ADAM15: variants seen among roughly 807,000 people sequenced by gnomAD.
The protein encoded by ADAM15 is ADAM metallopeptidase domain 15, also known as disintegrin and metalloproteinase domain-containing protein 15.
Under a neutral mutation model 113.8 loss-of-function variants are expected in ADAM15, and 77 were observed. The ratio of observed to expected loss-of-function variants is 0.68; its 90% CI spans 0.56 to 0.82. The LOEUF is 0.82. Among genes scored for constraint, ADAM15 ranks in the 40% least tolerant of loss-of-function variants. The pLI is 0.00. For missense variants in ADAM15, 963 were observed against 1,120.1 expected (o/e 0.86, Z 2.00); for synonymous variants, 388 against 454.1 (o/e 0.85, Z 1.85).
At chr1:155,060,373 C>T (rs1452933446) in intron 18 of ADAM15, 30 bp downstream of exon 18, 2 of 1,611,542 alleles carry the variant, frequency 1.2e-6, no homozygotes, top group Admixed American at 3.3e-5. Flanking sequence ...GCTACCACTT[C>T]CTTCAACTGG....
At position 155,054,785 on chromosome 1, in the gene ADAM15, G is replaced by A. The variant is rs564723011; in HGVS notation, c.612+279G>A. Among the ~76,000 whole-genome samples the A allele has an allele frequency of 1.5e-4, 23 of 152,228 alleles. No individual in the cohort carries two copies. The South Asian group carries it at 3.3e-3, about 22-fold the overall frequency. Reference sequence around the variant, plus strand: ...CTCAGGAGGCCGAAGTGGAAGAATCGCTTGAGCCCAGGAGGCAGAGGTTTC... The same window carrying A: ...CTCAGGAGGCCGAAGTGGAAGAATCACTTGAGCCCAGGAGGCAGAGGTTTC... On this transcript the variant is annotated intron_variant, in intron 6 of 22. Transcript: ENST00000356955.
rs374255636 is a variant in ADAM15 at position 155,057,133 on chromosome 1, G to C, written c.1148+32G>C. 6 of 1,580,254 alleles carry C rather than the reference G, an allele frequency of 3.8e-6. No homozygotes were observed. In the African/African-American group the frequency reaches 8.1e-5, roughly 21 times the overall value. Reference sequence around the variant, plus strand: ...AGCTGCAGGATGGAGAGAGGGTGTGGGGCAGGGGGCAGGGAGAGGCCCCCA... The same window carrying C: ...AGCTGCAGGATGGAGAGAGGGTGTGCGGCAGGGGGCAGGGAGAGGCCCCCA... On this transcript the variant is annotated intron_variant, in intron 11 of 22. Coordinates refer to ENST00000356955, the MANE Select transcript of ADAM15 (RefSeq NM_207197.3). This position sits in a 1 kb window ranked among gnomAD's most constrained non-coding sequence, Gnocchi z 5.0.
chr1:155,057,292 C>T lies in ADAM15; in HGVS notation c.1253C>T (p.Pro418Leu). Residue 418 changes from proline to leucine, a missense_variant, in exon 12 of 23, where the codon CCC (proline) becomes CTC (leucine). Coordinates refer to ENST00000356955, the MANE Select transcript of ADAM15 (RefSeq NM_207197.3). This position sits in a 1 kb window ranked among gnomAD's most constrained non-coding sequence, Gnocchi z 5.0. Reference protein sequence around the residue: ...SCLFERLPSLPPMAAFCGNMF... With the variant: ...SCLFERLPSLLPMAAFCGNMF... ...CTCTTCGAACGGCTGCCTAGCCTAC[C>T]CCCTATGGCTGCTTTCTGCGGAAAT... 5 of 1,614,190 alleles carry T rather than the reference C, an allele frequency of 3.1e-6. No homozygotes were observed. Among genetic ancestry groups the T allele is most frequent in the Non-Finnish European group, 4.2e-6 (5 of 1,180,038 alleles).
At position 155,055,969 on chromosome 1, in the gene ADAM15, GCA is replaced by G; in HGVS notation, c.717_718del (p.Leu240GlyfsTer29). On this transcript the variant is annotated frameshift_variant, in exon 8 of 23. Transcript: ENST00000356955. LOFTEE classifies it high-confidence loss of function. Reference sequence around the variant, plus strand: ...CGGGACTTCCAGCACCTGCTAAACCGCACACTGGAAGTGGCCCTCTTGCTGGA... The same window carrying G: ...CGGGACTTCCAGCACCTGCTAAACCGCACTGGAAGTGGCCCTCTTGCTGGA... 4.3e-6 allele frequency: 7 copies of G among 1,614,002 alleles called. No individual in the cohort carries two copies. The highest frequency in any genetic ancestry group is 5.9e-6 in the Non-Finnish European group (7 of 1,180,034).
chr1:155,059,856 A>C (rs1662327017), intron 16 of ADAM15, 46 bp from the exon 17 acceptor site: 2 of 1,576,964 alleles, frequency 1.3e-6, no homozygotes, highest in Middle Eastern at 1.7e-4. Flanking sequence ...ACAAGGAAAT[A>C]GTTCCAGAGT....
rs774273375 is a variant in ADAM15 at position 155,062,358 on chromosome 1, GGT to G, written c.2539_2540del (p.Val847ThrfsTer30). On this transcript the variant is annotated frameshift_variant, in exon 22 of 23. Coordinates refer to ENST00000356955, the MANE Select transcript of ADAM15 (RefSeq NM_207197.3). LOFTEE classifies it high-confidence loss of function. The surrounding 1 kb of genome is among the most constrained non-coding windows in gnomAD (Gnocchi z 7.0). ...CAGGGGCTGGAATCCCGCCCCTAGT[GGT>G]ACCCTCCAGGTAGGAGGAGCCCTGG... ...GPGAGIPPLV[V>X]PSRPAPPPPT... is the part of the protein sequence containing the mutation. The G allele has an allele frequency of 9.4e-6, 15 of 1,590,340 alleles. No individual in the cohort carries two copies. The East Asian group carries it at 3.4e-4, about 36-fold the overall frequency.
At position 155,057,195 on chromosome 1, in the gene ADAM15, C is replaced by A. The variant is rs998751992; in HGVS notation, c.1156C>A (p.Pro386Thr). ...CCTTGCCACCCTCCCCAGCTTCCTA[C>A]CAGGCCTGAACTTCAGCAACTGCAG... Reference protein sequence around the residue: ...CIMEASTDFLPGLNFSNCSRR... With the variant: ...CIMEASTDFLTGLNFSNCSRR... Residue 386 changes from proline to threonine, a missense_variant, in exon 12 of 23, where the codon CCA (proline) becomes ACA (threonine). Pro to Thr is a conservative substitution (Grantham distance 38). Transcript: ENST00000356955. This position sits in a 1 kb window ranked among gnomAD's most constrained non-coding sequence, Gnocchi z 5.0. The A allele has an allele frequency of 1.9e-5, 30 of 1,612,184 alleles. No homozygotes were observed. Among genetic ancestry groups the A allele is most frequent in the Non-Finnish European group, 2.4e-5 (28 of 1,178,532 alleles).
intron 16 of ADAM15, 29 bp from the exon 17 acceptor site, chr1:155,059,873 C>T (rs1662330193): frequency 1.9e-6 from 3 of 1,608,308 alleles, no homozygotes; most frequent in Non-Finnish European, 2.6e-6. Flanking sequence ...GAGTGCAGAG[C>T]TCCTCATTGC....
intron 16 of ADAM15, among the ~76,000 whole-genome samples, chr1:155,059,510 T>G (rs1662262943): frequency 6.6e-6 from 1 of 152,152 alleles, no homozygotes; most frequent in Non-Finnish European, 1.5e-5. Context: ...ACACCTATGC[T>G]CCCAGCTACT....
chr1:155,053,433 C>G lies in ADAM15; in HGVS notation c.203C>G (p.Pro68Arg), dbSNP rs1661357337. The change falls in exon 3 of 23, where the codon CCC becomes CGC. Residue 68 changes from proline (P) to arginine (R), a missense_variant. Coordinates refer to ENST00000356955, the MANE Select transcript of ADAM15 (RefSeq NM_207197.3). ...TGCCCACAGACCAGTCTGCCTGAGCCCCTGAGGATCAAGTTGGAGCTGGAC... is the reference window on the plus strand; with the variant it reads ...TGCCCACAGACCAGTCTGCCTGAGCGCCTGAGGATCAAGTTGGAGCTGGAC... ...KKVLQTSLPE[P>R]LRIKLELDGD... is the part of the protein sequence containing the mutation. 6 of 1,614,030 alleles carry G rather than the reference C, an allele frequency of 3.7e-6. No individual in the cohort carries two copies. The highest frequency in any genetic ancestry group is 1.7e-4 in the Middle Eastern group (1 of 6,060).
At position 155,062,429 on chromosome 1, in the gene ADAM15, G is replaced by A. The variant is rs1202695709; in HGVS notation, c.2550-31G>A. 3.2e-5 allele frequency: 52 copies of A among 1,612,374 alleles called. No homozygotes were observed. The highest frequency in any genetic ancestry group is 4.2e-5 in the Non-Finnish European group (50 of 1,179,794). On this transcript the variant is annotated intron_variant, in intron 22 of 22. Coordinates refer to ENST00000356955, the MANE Select transcript of ADAM15 (RefSeq NM_207197.3). The surrounding 1 kb of genome is among the most constrained non-coding windows in gnomAD (Gnocchi z 7.0). ...AGTGACCTGGGGGAAAGGGGCCTCT[G>A]ACTCTTTTTTCTTGGCTTCCCGCAA...
intron 1 of ADAM15, 155 bp from the exon 2 acceptor site, chr1:155,052,516 G>C: frequency 1.3e-6 from 2 of 1,543,978 alleles, no homozygotes; most frequent in Non-Finnish European, 1.7e-6. Flanking sequence ...TCTCCTTCCA[G>C]TATTCTTCTT....
intron 6 of ADAM15, 43 bp from the exon 7 acceptor site, chr1:155,055,747 G>T: frequency 6.2e-7 from 1 of 1,610,498 alleles, no homozygotes. Context: ...GCTGCTGGCT[G>T]CGAGCGGCAG....
chr1:155,058,907 G>A lies in ADAM15; in HGVS notation c.1995+120G>A. 2 of 1,320,156 alleles carry A rather than the reference G, an allele frequency of 1.5e-6. No homozygotes were observed. The highest frequency in any genetic ancestry group is 2.0e-6 in the Non-Finnish European group (2 of 987,082). 81.8% of individuals were successfully genotyped at this position (1,320,156 alleles called of 1,614,324 possible). ...CCTTGCTCTACTACTTCCCAGTTGTGTGACCTCGGGCAGGTTACTAACTTT... is the reference window on the plus strand; with the variant it reads ...CCTTGCTCTACTACTTCCCAGTTGTATGACCTCGGGCAGGTTACTAACTTT... On this transcript the variant is annotated intron_variant, in intron 16 of 22. Transcript: ENST00000356955. This position sits in a 1 kb window ranked among gnomAD's most constrained non-coding sequence, Gnocchi z 4.3.
Position 155,056,412 on chromosome 1 carries a change from T to G in ADAM15, c.941T>G (p.Val314Gly). The G allele has an allele frequency of 6.2e-7, 1 of 1,614,156 alleles. No homozygotes were observed. The highest frequency in any genetic ancestry group is 8.5e-7 in the Non-Finnish European group (1 of 1,180,020). Residue 314 changes from valine to glycine, a missense_variant, in exon 10 of 23, where the codon GTG becomes GGG. Physicochemically the swap from Val to Gly is moderately radical, Grantham distance 109. Coordinates refer to ENST00000356955, the MANE Select transcript of ADAM15 (RefSeq NM_207197.3). This position sits in a 1 kb window ranked among gnomAD's most constrained non-coding sequence, Gnocchi z 4.0. ...GGTACTTCATTCTCTGGGCCTACGG[T>G]GGGCATGGCCATTCAGAACTCCATC... ...VTGTSFSGPT[V>G]GMAIQNSICS...
intron 19 of ADAM15, 114 bp from the exon 20 acceptor site, chr1:155,061,301 C>T (rs1341490895): frequency 2.8e-6 from 2 of 708,814 alleles, no homozygotes; most frequent in East Asian, 5.4e-5. Context: ...ATGCACAGCA[C>T]CCACTGCCCT....
chr1:155,062,129 G>A lies in ADAM15; in HGVS notation c.2425-116G>A. 6.9e-7 allele frequency: 1 copy of A among 1,454,160 alleles called. No individual in the cohort carries two copies. Among genetic ancestry groups the A allele is most frequent in the South Asian group, 1.4e-5 (1 of 69,222 alleles). 90.1% of individuals were successfully genotyped at this position (1,454,160 alleles called of 1,614,324 possible). On this transcript the variant is annotated intron_variant, in intron 21 of 22. Transcript: ENST00000356955. The surrounding 1 kb of genome is among the most constrained non-coding windows in gnomAD (Gnocchi z 7.0). ...TTTAATGGTGACAGGTTTGTTTGCA[G>A]ACAAGGGTGACCGCTGGTGCTGCCC... is the stretch of plus-strand genomic sequence containing the variant.
chr1:155,052,543 A>G (rs1661202265), intron 1 of ADAM15, 128 bp from the exon 2 acceptor site: 2 of 1,549,376 alleles, frequency 1.3e-6, no homozygotes, highest in Non-Finnish European at 1.7e-6. Flanking sequence ...TCAGCATGCA[A>G]TGTGGAAGCC....
intron 3 of ADAM15, 102 bp from the exon 4 acceptor site, chr1:155,053,808 G>C: frequency 1.4e-6 from 2 of 1,381,864 alleles, no homozygotes; most frequent in African/African-American, 1.4e-5. Flanking sequence ...GGCTGCGGGG[G>C]TTGCCTGGTC....
Sources: gnomAD v4.1 joint callset for allele counts (sites outside exome capture counted in the v4.1 genomes callset) on GRCh38, gnomAD v4.1.1 for gene constraint, Gnocchi (gnomAD v3.1) non-coding constraint, MANE v1.5 for transcripts, NCBI Gene and HGNC (gene_info 2026-07-23, HGNC 2026-07-21) for gene names.